ITPR1: variants seen among roughly 807,000 people sequenced by gnomAD.
ITPR1 encodes the protein inositol 1,4,5-trisphosphate-gated calcium channel ITPR1.
ITPR1 carries 96 observed loss-of-function variants against 318.4 expected under a neutral mutation model. The observed-to-expected ratio is 0.30, with a 90% CI of 0.26 to 0.36. ITPR1 has a LOEUF of 0.36. Ranked by LOEUF, ITPR1 falls within the 10% of genes least tolerant of loss-of-function variation. ITPR1 has a pLI of 1.00. For missense variants in ITPR1, 2,440 were observed against 3,460.2 expected (o/e 0.71, Z 7.40); for synonymous variants, 1,312 against 1,289.9 (o/e 1.02, Z -0.37).
intron 4 of ITPR1, among the ~76,000 whole-genome samples, chr3:4,621,287 G>A (rs1391231991): frequency 1.3e-5 from 2 of 152,166 alleles, no homozygotes; most frequent in African/African-American, 4.8e-5. Flanking sequence ...ATGGCAGAAG[G>A]TGAAGGGGGA....
intron 52 of ITPR1, among the ~76,000 whole-genome samples, chr3:4,793,044 C>T (rs2047671015): frequency 6.6e-6 from 1 of 152,116 alleles, no homozygotes; most frequent in Admixed American, 6.5e-5. Context: ...GACATAGTTC[C>T]ATGTGCCACA....
At chr3:4,539,549 G>T (rs541485436) in intron 4 of ITPR1, among the ~76,000 whole-genome samples, 2 of 152,112 alleles carry the variant, frequency 1.3e-5, no homozygotes, top group African/African-American at 4.8e-5. Flanking sequence ...ATGAATTTGT[G>T]TATATGTTAA....
At chr3:4,699,007 T>C (rs866651219) in intron 34 of ITPR1, among the ~76,000 whole-genome samples, 10 of 152,178 alleles carry the variant, frequency 6.6e-5, no homozygotes, top group African/African-American at 2.4e-4. Flanking sequence ...TTTTGAACAA[T>C]GTTGTGTATT....
intron 19 of ITPR1, among the ~76,000 whole-genome samples, chr3:4,670,084 A>G (rs535825149): frequency 6.6e-6 from 1 of 152,360 alleles, no homozygotes; most frequent in East Asian, 1.9e-4. Context: ...TCAATTTAAA[A>G]TTTCAAATGA....
At chr3:4,595,486 T>A (rs2090735772) in intron 4 of ITPR1, among the ~76,000 whole-genome samples, 1 of 152,208 alleles carries the variant, frequency 6.6e-6, no homozygotes, top group South Asian at 2.1e-4. Flanking sequence ...AGGTCTCACC[T>A]CCAACACTGG....
At chr3:4,570,098 G>C (rs1221114054) in intron 4 of ITPR1, among the ~76,000 whole-genome samples, 1 of 152,000 alleles carries the variant, frequency 6.6e-6, no homozygotes, top group Non-Finnish European at 1.5e-5. Flanking sequence ...TTTCAGTATA[G>C]AAAACAAATA....
In ITPR1 at chr3:4,810,896, T is replaced by C. The variant is rs2048899472; in HGVS notation, c.7273-369T>C. 2.0e-5 allele frequency among the ~76,000 whole-genome samples: 3 copies of C among 152,198 alleles called. No individual in the cohort carries two copies. The South Asian group carries it at 6.2e-4, about 32-fold the overall frequency. On this transcript the variant is annotated intron_variant, in intron 55 of 61. Transcript: ENST00000649015. ...GAGGGCAGGGACCAGGGTGGCTGGC[T>C]CTTCATAAACTCAATTCAGTACCTT...
intron 44 of ITPR1, among the ~76,000 whole-genome samples, chr3:4,756,785 A>G (rs1203945341): frequency 6.6e-6 from 1 of 152,146 alleles, no homozygotes; most frequent in Non-Finnish European, 1.5e-5. Context: ...AGAACCAACT[A>G]GAATTATCAC....
chr3:4,823,608 AAAAAC>A (rs1362966398), intron 60 of ITPR1, among the ~76,000 whole-genome samples: 1 of 152,216 alleles, frequency 6.6e-6, no homozygotes, highest in Non-Finnish European at 1.5e-5. Context: ...AAAAAAAACA[AAAAAC>A]AAAATTGATC....
intron 4 of ITPR1, among the ~76,000 whole-genome samples, chr3:4,577,453 G>A (rs754135800): frequency 6.6e-6 from 1 of 152,178 alleles, no homozygotes; most frequent in Non-Finnish European, 1.5e-5. Flanking sequence ...GCTAGCAGGC[G>A]AACCATGCTG....
In ITPR1 at chr3:4,711,868, G is replaced by C. The variant is rs1174237989; in HGVS notation, c.5103G>C (p.Lys1701Asn). Residue 1701 changes from lysine (K) to asparagine (N), a missense_variant and splice_region_variant, in exon 39 of 62, where the codon AAG (lysine) becomes AAC (asparagine). By Grantham distance (94) the Lys-to-Asn change is moderately conservative (BLOSUM62 0). This residue lies in a region of ITPR1 where 166 missense variants were observed against 143.7 expected (regional missense o/e 1.16). Transcript: ENST00000649015. The part of the protein sequence containing the change: ...MMTKDRGYGE[K>N]LISIDELDNA... Reference sequence around the variant, plus strand: ...CCAAAGATAGAGGCTATGGAGAAAAGGTACTGCATTTTATTTTCATGGTCA... The same window carrying C: ...CCAAAGATAGAGGCTATGGAGAAAACGTACTGCATTTTATTTTCATGGTCA... 2 of 1,437,814 alleles carry C rather than the reference G, an allele frequency of 1.4e-6. No individual in the cohort carries two copies. Among genetic ancestry groups the C allele is most frequent in the East Asian group, 2.5e-5 (1 of 39,922 alleles). The allele number at this position is 1,437,814 out of a possible 1,614,324, so 89.1% of individuals were successfully genotyped here.
chr3:4,783,758 TCTGTGTTC>T, intron 50 of ITPR1, 50 bp from the exon 51 acceptor site: 1 of 1,294,496 alleles, frequency 7.7e-7, no homozygotes, highest in South Asian at 1.3e-5. Flanking sequence ...GAAAGGAGTT[TCTGTGTTC>T]CTGTTGTGAA....
chr3:4,601,175 C>CTTTTTTTT (rs68165287), intron 4 of ITPR1, among the ~76,000 whole-genome samples: 17 of 119,738 alleles, frequency 1.4e-4, no homozygotes, highest in Admixed American at 2.9e-4. Flanking sequence ...GAAAAATATT[C>CTTTTTTTT]TTTTTTTTTT....
intron 49 of ITPR1, 166 bp from the exon 50 acceptor site, chr3:4,782,453 G>A (rs747594515): frequency 1.8e-4 from 103 of 560,096 alleles, no homozygotes; most frequent in Non-Finnish European, 2.3e-4. Context: ...TTGATGGCCT[G>A]TGCCAGTGTC....
chr3:4,693,810 A>T, intron 33 of ITPR1, 69 bp downstream of exon 33: 1 of 1,516,552 alleles, frequency 6.6e-7, no homozygotes, highest in Non-Finnish European at 8.9e-7. Flanking sequence ...GCTCACTGGG[A>T]GACATGGTGG....
chr3:4,522,692 C>T (rs553344235), intron 4 of ITPR1, among the ~76,000 whole-genome samples: 1 of 152,312 alleles, frequency 6.6e-6, no homozygotes, highest in South Asian at 2.1e-4. Context: ...TTTCGTCCAA[C>T]GATCATAATT....
At chr3:4,599,682 A>G (rs1024177037) in intron 4 of ITPR1, among the ~76,000 whole-genome samples, 1 of 152,108 alleles carries the variant, frequency 6.6e-6, no homozygotes, top group African/African-American at 2.4e-5. Flanking sequence ...TGAATGAAGG[A>G]CCTTGGTTGC....
chr3:4,615,796 C>G (rs2092365247), intron 4 of ITPR1, among the ~76,000 whole-genome samples: 1 of 152,106 alleles, frequency 6.6e-6, no homozygotes, highest in Non-Finnish European at 1.5e-5. Context: ...GGAAGTTTCT[C>G]CTCATGTTTC....
At chr3:4,541,934 A>AT (rs1243825051) in intron 4 of ITPR1, among the ~76,000 whole-genome samples, 1 of 152,126 alleles carries the variant, frequency 6.6e-6, no homozygotes, top group Non-Finnish European at 1.5e-5. Flanking sequence ...GCTTTAGGCT[A>AT]TTTTTTAATC....
Sources: allele counts gnomAD v4.1 joint callset (sites outside exome capture counted in the v4.1 genomes callset), GRCh38; gene constraint gnomAD v4.1.1; regional missense constraint gnomAD v4.1.1; transcripts MANE v1.5; gene names NCBI Gene and HGNC (gene_info 2026-07-23, HGNC 2026-07-21).